MARCHF1: variants seen among roughly 807,000 people sequenced by gnomAD.
The protein encoded by MARCHF1 is E3 ubiquitin-protein ligase MARCHF1.
MARCHF1 carries 40 observed loss-of-function variants against 54.2 expected under a neutral mutation model. The observed-to-expected ratio is 0.74, with a 90% CI of 0.57 to 0.96. MARCHF1 has a LOEUF of 0.96. MARCHF1 is among the 40% of genes least tolerant of loss of function. MARCHF1 has a pLI of 0.00. For missense variants in MARCHF1, 586 were observed against 656.5 expected (o/e 0.89, Z 1.17); for synonymous variants, 236 against 236.3 (o/e 1.00, Z 0.01).
intron 2 of MARCHF1, among the ~76,000 whole-genome samples, chr4:163,996,112 AG>A (rs1317265428): frequency 1.3e-5 from 2 of 152,040 alleles, no homozygotes; most frequent in African/African-American, 4.8e-5. Context: ...GTTAAGTTTG[AG>A]GGATGGCTGT....
chr4:164,285,757 G>A (rs975267406), intron 1 of MARCHF1, among the ~76,000 whole-genome samples: 11 of 147,704 alleles, frequency 7.4e-5, no homozygotes, highest in Admixed American at 2.7e-4. Context: ...CACCGCGACC[G>A]GCATTAATTT....
chr4:164,197,927 G>T (rs905063672), intron 1 of MARCHF1, among the ~76,000 whole-genome samples: 1 of 152,126 alleles, frequency 6.6e-6, no homozygotes, highest in African/African-American at 2.4e-5. Flanking sequence ...TAGTAAGAAG[G>T]TAGGTGTGTG....
At chr4:164,327,653 T>C (rs1240120174) in intron 1 of MARCHF1, among the ~76,000 whole-genome samples, 1 of 152,158 alleles carries the variant, frequency 6.6e-6, no homozygotes, top group Non-Finnish European at 1.5e-5. Context: ...AGAGGCCAGT[T>C]TGGATGCCAT....
At chr4:164,005,636 G>C (rs1753270341) in intron 2 of MARCHF1, among the ~76,000 whole-genome samples, 1 of 152,062 alleles carries the variant, frequency 6.6e-6, no homozygotes, top group Non-Finnish European at 1.5e-5. Context: ...CTTACCTCAT[G>C]GGAAAATTCA....
intron 1 of MARCHF1, among the ~76,000 whole-genome samples, chr4:164,112,506 A>C (rs550392217): frequency 6.6e-6 from 1 of 152,064 alleles, no homozygotes; most frequent in South Asian, 2.1e-4. Context: ...TTTTCAAAGA[A>C]TGTATACAGT....
intron 1 of MARCHF1, among the ~76,000 whole-genome samples, chr4:164,310,089 T>G (rs1051283782): frequency 6.6e-6 from 1 of 152,096 alleles, no homozygotes; most frequent in Non-Finnish European, 1.5e-5. Context: ...TTTATTTATT[T>G]ATTTTTTGAG....
At chr4:163,699,226 A>G (rs190469146) in intron 5 of MARCHF1, among the ~76,000 whole-genome samples, 50 of 152,372 alleles carry the variant, frequency 3.3e-4, no homozygotes, top group African/African-American at 1.1e-3. Flanking sequence ...TGTCTGTCAC[A>G]TCTCTGCATG....
intron 4 of MARCHF1, among the ~76,000 whole-genome samples, chr4:163,765,708 T>C (rs1427441237): frequency 2.6e-5 from 4 of 151,768 alleles, no homozygotes; most frequent in African/African-American, 9.7e-5. Flanking sequence ...AGTTTACTAC[T>C]TTCATGGTGT....
At chr4:163,961,006 C>T (rs1028257527) in intron 3 of MARCHF1, among the ~76,000 whole-genome samples, 5 of 151,702 alleles carry the variant, frequency 3.3e-5, no homozygotes, top group African/African-American at 1.2e-4. Context: ...TGGAGAGTTC[C>T]CTGATGTCTG....
At chr4:163,723,959 T>G (rs978641972) in intron 4 of MARCHF1, among the ~76,000 whole-genome samples, 1 of 152,202 alleles carries the variant, frequency 6.6e-6, no homozygotes, top group African/African-American at 2.4e-5. Context: ...CTTCTTTGCC[T>G]TGGGTTCAAA....
intron 1 of MARCHF1, chr4:164,197,756 C>T: frequency 6.2e-7 from 1 of 1,610,342 alleles, no homozygotes; most frequent in African/African-American, 1.3e-5. Flanking sequence ...CAGCCGAATT[C>T]AATCAATAAA....
intron 4 of MARCHF1, among the ~76,000 whole-genome samples, chr4:163,784,835 T>G (rs2110917504): frequency 7.8e-6 from 1 of 127,422 alleles, no homozygotes; most frequent in African/African-American, 2.6e-5. Flanking sequence ...TCTATGCAAC[T>G]TTCCACAGAA....
chr4:163,702,129 T>A (rs1031171080), intron 4 of MARCHF1, among the ~76,000 whole-genome samples: 2 of 152,162 alleles, frequency 1.3e-5, no homozygotes, highest in Non-Finnish European at 2.9e-5. Context: ...GCAACATCCA[T>A]CTCATACAAC....
intron 3 of MARCHF1, among the ~76,000 whole-genome samples, chr4:163,952,674 G>C (rs938910768): frequency 6.6e-6 from 1 of 152,178 alleles, no homozygotes; most frequent in African/African-American, 2.4e-5. Context: ...CTATGTGGCT[G>C]TAATCTGCTT....
At chr4:164,228,555 A>T (rs1191365539) in intron 1 of MARCHF1, among the ~76,000 whole-genome samples, 2 of 152,206 alleles carry the variant, frequency 1.3e-5, no homozygotes, top group East Asian at 3.9e-4. Flanking sequence ...TGAGAAAAAC[A>T]TGTTTTTCTT....
At chr4:164,117,543 A>G (rs1247810288) in intron 1 of MARCHF1, among the ~76,000 whole-genome samples, 5 of 152,046 alleles carry the variant, frequency 3.3e-5, no homozygotes, top group Non-Finnish European at 7.4e-5. Flanking sequence ...ATTCCATAGC[A>G]CAATTGTGAG....
chr4:164,283,639 C>G (rs1248994252), intron 1 of MARCHF1, among the ~76,000 whole-genome samples: 1 of 150,882 alleles, frequency 6.6e-6, no homozygotes, highest in Non-Finnish European at 1.5e-5. Flanking sequence ...AATGCGTGTA[C>G]TCATTAAAGG....
At chr4:164,301,455 A>C (rs1259462048) in intron 1 of MARCHF1, among the ~76,000 whole-genome samples, 1 of 152,244 alleles carries the variant, frequency 6.6e-6, no homozygotes, top group African/African-American at 2.4e-5. Flanking sequence ...ATCTAAACAC[A>C]CTGAATTTTA....
chr4:164,166,040 T>C (rs1338915030), intron 1 of MARCHF1, among the ~76,000 whole-genome samples: 1 of 151,990 alleles, frequency 6.6e-6, no homozygotes, highest in East Asian at 1.9e-4. Flanking sequence ...CAGAAAACTT[T>C]TAAAAATTAA....
Sources: allele counts gnomAD v4.1 joint callset (sites outside exome capture counted in the v4.1 genomes callset), GRCh38; gene constraint gnomAD v4.1.1; transcripts MANE v1.5; gene names NCBI Gene and HGNC (gene_info 2026-07-23, HGNC 2026-07-21).